TRPS1: variants seen among roughly 807,000 people sequenced by gnomAD.
TRPS1 encodes the protein zinc finger transcription factor Trps1.
Under a neutral mutation model 101.2 loss-of-function variants are expected in TRPS1, and 6 were observed. The ratio of observed to expected loss-of-function variants is 0.06; its 90% confidence interval spans 0.03 to 0.12. The LOEUF (loss-of-function observed/expected upper bound fraction) is 0.12. TRPS1 is among the 10% of genes least tolerant of loss of function. The pLI is 1.00. For synonymous variants in TRPS1, 578 were observed against 589.8 expected (o/e 0.98, Z 0.29); for missense variants, 1,363 against 1,567.0 (o/e 0.87, Z 2.20).
Position 115,587,585 on chromosome 8 carries a change from T to G in TRPS1, c.2116A>C (p.Lys706Gln), listed in dbSNP as rs564680752. The G allele has an allele frequency of 6.2e-7, 1 of 1,614,170 alleles. No homozygotes were observed. The highest frequency in any genetic ancestry group is 8.5e-7 in the Non-Finnish European group (1 of 1,180,012). ...GCTGTAAAACTGCACTGACGGCATT[T>G]GTAGCAGCTGTGTGCTCTCCTGGAG... ...RHYRRAHSCYKCRQCSFTAAD... is the reference protein window; with the variant it reads ...RHYRRAHSCYQCRQCSFTAAD... Residue 706 changes from lysine to glutamine, a missense_variant, in exon 5 of 7, where the codon AAA becomes CAA. This residue lies in a region of TRPS1 where 1,020 missense variants were observed against 1,073.0 expected (regional missense o/e 0.95). Coordinates refer to ENST00000395715, the MANE Select transcript of TRPS1 (RefSeq NM_014112.5).
chr8:115,613,542 T>C (rs979217263), intron 3 of TRPS1, among the ~76,000 whole-genome samples: 5 of 152,220 alleles, frequency 3.3e-5, no homozygotes, highest in African/African-American at 9.6e-5. Flanking sequence ...TATATCAGTG[T>C]GGTTGTGAAG....
chr8:115,621,505 G>T (rs1818391500), intron 2 of TRPS1, among the ~76,000 whole-genome samples: 1 of 152,202 alleles, frequency 6.6e-6, no homozygotes, highest in Non-Finnish European at 1.5e-5. Context: ...AGCTGGTCAT[G>T]CAAAATTTTT....
intron 5 of TRPS1, among the ~76,000 whole-genome samples, chr8:115,488,493 A>C (rs1283671348): frequency 6.6e-6 from 1 of 152,054 alleles, no homozygotes; most frequent in African/African-American, 2.4e-5. Flanking sequence ...GATCGAGACC[A>C]TCCTGGCCAA....
chr8:115,561,626 GA>G (rs961879089), intron 5 of TRPS1, among the ~76,000 whole-genome samples: 1 of 151,952 alleles, frequency 6.6e-6, no homozygotes, highest in Non-Finnish European at 1.5e-5. Flanking sequence ...TAAATTGAAC[GA>G]AACCTGCTAC....
intron 5 of TRPS1, among the ~76,000 whole-genome samples, chr8:115,439,323 C>T (rs2129870727): frequency 6.6e-6 from 1 of 152,222 alleles, no homozygotes; most frequent in South Asian, 2.1e-4. Flanking sequence ...GTTACAAAGT[C>T]AAGGGATTTA....
At chr8:115,463,787 T>TTTTCCTTATTTCAGAGGGCACACC (rs1222203758) in intron 5 of TRPS1, among the ~76,000 whole-genome samples, 4 of 152,016 alleles carry the variant, frequency 2.6e-5, no homozygotes, top group African/African-American at 9.7e-5. Flanking sequence ...GAAATTTCAG[T>TTTTCCTTATTTCAGAGGGCACACC]TTTCCTTATT....
At chr8:115,519,378 T>C (rs1377062240) in intron 5 of TRPS1, among the ~76,000 whole-genome samples, 1 of 151,642 alleles carries the variant, frequency 6.6e-6, no homozygotes, top group African/African-American at 2.4e-5. Context: ...TGAAATCCAC[T>C]ACGTAAATTT....
rs763013243 is a variant in TRPS1 at position 115,412,522 on chromosome 8, T to A, written c.*1501A>T. 1 of 152,576 alleles carries A rather than the reference T, an allele frequency of 6.6e-6. No homozygotes were observed. Among genetic ancestry groups the A allele is most frequent in the Admixed American group, 6.6e-5 (1 of 15,250 alleles). 9.5% of individuals were successfully genotyped at this position (152,576 alleles called of 1,614,324 possible). ...GCACCATTATTTGAAATGTAATACA[T>A]TAATATTTACTAGAAAAATAAGTTT... On this transcript the variant is annotated 3_prime_UTR_variant, in exon 7 of 7. Transcript: ENST00000395715.
intron 5 of TRPS1, among the ~76,000 whole-genome samples, chr8:115,438,547 C>G (rs568649936): frequency 2.8e-4 from 42 of 152,262 alleles, no homozygotes; most frequent in African/African-American, 9.9e-4. Context: ...GTTCAGTAAC[C>G]TAGTTTCCTC....
At chr8:115,554,770 G>C (rs1816779243) in intron 5 of TRPS1, among the ~76,000 whole-genome samples, 1 of 152,132 alleles carries the variant, frequency 6.6e-6, no homozygotes. Flanking sequence ...GATTAGAAAA[G>C]GGGGCAAGTC....
In TRPS1 at chr8:115,423,948, T is replaced by C. The variant is rs147311746; in HGVS notation, c.2701-5496A>G. ...AAATTTTGAAAAGGAACTGATTTCA[T>C]CTGATTAATATGAAGTAAATTTGAT... On this transcript the variant is annotated intron_variant, in intron 5 of 6. Coordinates refer to ENST00000395715, the MANE Select transcript of TRPS1 (RefSeq NM_014112.5). 4.5e-3 allele frequency among the ~76,000 whole-genome samples: 692 copies of C among 152,324 alleles called. 9 individuals carry two copies. The highest frequency in any genetic ancestry group is 0.016 in the African/African-American group (669 of 41,566).
intron 3 of TRPS1, among the ~76,000 whole-genome samples, chr8:115,611,710 G>C (rs1007315667): frequency 1.3e-5 from 2 of 152,196 alleles, no homozygotes; most frequent in African/African-American, 4.8e-5. Context: ...AATCAACAGC[G>C]AGAGTAAGAC....
Position 115,565,440 on chromosome 8 carries a change from A to G in TRPS1, c.2700+21561T>C, listed in dbSNP as rs189557762. Among the ~76,000 whole-genome samples the G allele has an allele frequency of 2.2e-4, 34 of 152,202 alleles. 1 individual carries two copies. The highest frequency in any genetic ancestry group is 2.0e-3 in the Admixed American group (30 of 15,272). ...AGAAGACATGAATTAGATAAATGTA[A>G]TATTAGTGGTCTCTTTGTATTTAAT... On this transcript the variant is annotated intron_variant, in intron 5 of 6. Transcript: ENST00000395715.
chr8:115,441,148 G>C (rs1459758236), intron 5 of TRPS1, among the ~76,000 whole-genome samples: 2 of 152,178 alleles, frequency 1.3e-5, no homozygotes, highest in Non-Finnish European at 2.9e-5. Flanking sequence ...TCAAAAGGCA[G>C]AATCACTCAG....
chr8:115,462,630 TC>T (rs1175930573), intron 5 of TRPS1, among the ~76,000 whole-genome samples: 37 of 20,164 alleles, frequency 1.8e-3, no homozygotes, highest in Non-Finnish European at 0.014. Flanking sequence ...CTTTTCTCTC[TC>T]TCTCTCTCTC....
intron 5 of TRPS1, among the ~76,000 whole-genome samples, chr8:115,566,318 C>G (rs1817066647): frequency 6.6e-6 from 1 of 152,086 alleles, no homozygotes; most frequent in Non-Finnish European, 1.5e-5. Flanking sequence ...CAGAAGCTAC[C>G]CTACAGTTCC....
At chr8:115,605,616 CA>C (rs1818017494) in intron 3 of TRPS1, among the ~76,000 whole-genome samples, 1 of 151,984 alleles carries the variant, frequency 6.6e-6, no homozygotes, top group East Asian at 1.9e-4. Context: ...GAAATACTAG[CA>C]AAGAAGAACC....
At chr8:115,465,621 T>C (rs1814298410) in intron 5 of TRPS1, among the ~76,000 whole-genome samples, 1 of 152,278 alleles carries the variant, frequency 6.6e-6, no homozygotes, top group East Asian at 1.9e-4. Context: ...CTAGGTAATA[T>C]TATTAAGTCT....
At chr8:115,494,189 C>T (rs1028769770) in intron 5 of TRPS1, among the ~76,000 whole-genome samples, 7 of 152,208 alleles carry the variant, frequency 4.6e-5, no homozygotes, top group Admixed American at 4.6e-4. Flanking sequence ...CTCTCAAAGA[C>T]CTTTCTGAGC....
Sources: gnomAD v4.1 joint callset for allele counts (sites outside exome capture counted in the v4.1 genomes callset) on GRCh38, gnomAD v4.1.1 for gene constraint, gnomAD v4.1.1 regional missense constraint, MANE v1.5 for transcripts, NCBI Gene and HGNC (gene_info 2026-07-23, HGNC 2026-07-21) for gene names.